The following ATP2A3 variants were observed in gnomAD, a reference collection of about 807,000 sequenced individuals.
ATP2A3 encodes ATPase sarcoplasmic/endoplasmic reticulum Ca2+ transporting 3.
ATP2A3 carries 61 observed loss-of-function variants against 106.8 expected under a neutral mutation model. That is an observed-to-expected ratio of 0.57 (90% CI 0.46 to 0.71). ATP2A3 has a LOEUF of 0.71. Ranked by LOEUF, ATP2A3 falls within the 30% of genes least tolerant of loss-of-function variation. The pLI is 0.00. For synonymous variants in ATP2A3, 611 were observed against 609.3 expected, an observed-to-expected ratio of 1.00 and a Z score of -0.04; for missense variants, 1,201 against 1,423.5, an observed-to-expected ratio of 0.84 and a Z score of 2.52.
chr17:3,944,579 G>T, intron 10 of ATP2A3, 125 bp downstream of exon 10: 1 of 943,040 alleles, frequency 1.1e-6, no homozygotes, highest in Non-Finnish European at 1.7e-6. Context: ...AGGGGTAACC[G>T]TGCTCCCTGG....
Position 3,950,614 on chromosome 17 carries a change from G to C in ATP2A3, c.545-18C>G. 6.2e-7 allele frequency: 1 copy of C among 1,614,066 alleles called. No homozygotes were observed. Among genetic ancestry groups the C allele is most frequent in the Non-Finnish European group, 8.5e-7 (1 of 1,179,950 alleles). On this transcript the variant is annotated intron_variant, in intron 6 of 20. Coordinates refer to ENST00000397041, the MANE Select transcript of ATP2A3 (RefSeq NM_005173.4). Reference sequence around the variant, plus strand: ...AGATTCACCTGGTCAGGGAATCAGAGATGAGAAGCCCCACATGAAGACACG... The same window carrying C: ...AGATTCACCTGGTCAGGGAATCAGACATGAGAAGCCCCACATGAAGACACG...
chr17:3,939,738 G>A (rs951980308), intron 14 of ATP2A3, among the ~76,000 whole-genome samples: 2 of 134,794 alleles, frequency 1.5e-5, no homozygotes, highest in African/African-American at 5.6e-5. Flanking sequence ...AGTGAGCCGA[G>A]ATCGTGCCAC....
At position 3,930,625 on chromosome 17, in the gene ATP2A3, G is replaced by C; in HGVS notation, c.2611-191C>G. 5 of 767,582 alleles carry C rather than the reference G, an allele frequency of 6.5e-6. No homozygotes were observed. The highest frequency in any genetic ancestry group is 1.1e-5 in the Non-Finnish European group (5 of 469,856). 47.5% of individuals were successfully genotyped at this position (767,582 alleles called of 1,614,324 possible). A position where few individuals can be genotyped will look rare whatever the true frequency, so the allele number is the denominator to read the frequency against. On this transcript the variant is annotated intron_variant, in intron 17 of 20. Coordinates refer to ENST00000397041, the MANE Select transcript of ATP2A3 (RefSeq NM_005173.4). This position sits in a 1 kb window ranked among gnomAD's most constrained non-coding sequence, Gnocchi z 5.4. ...GCGGCGGTGGGGAGAGCTGCACCGT[G>C]CCAGGGAGAAGCAAGGGCACAGCGT...
rs768656051 is a variant in ATP2A3 at position 3,928,831 on chromosome 17, G to A, written c.2863-51C>T. The A allele has an allele frequency of 4.9e-6, 7 of 1,427,172 alleles. No individual in the cohort carries two copies. Among genetic ancestry groups the A allele is most frequent in the East Asian group, 2.5e-5 (1 of 40,332 alleles). The allele number at this position is 1,427,172 out of a possible 1,614,324, so 88.4% of individuals were successfully genotyped here. The stretch of plus-strand genomic sequence containing the variant: ...GGTTAAAGGAAGGACTGGCTGTCCC[G>A]TGCCCCAGCCATCTGCTGGCCTTAT... On this transcript the variant is annotated intron_variant, in intron 19 of 20. Coordinates refer to ENST00000397041, the MANE Select transcript of ATP2A3 (RefSeq NM_005173.4). This position sits in a 1 kb window ranked among gnomAD's most constrained non-coding sequence, Gnocchi z 6.1.
At position 3,929,191 on chromosome 17, in the gene ATP2A3, G is replaced by A; in HGVS notation, c.2862+137C>T. 1 of 780,884 alleles carries A rather than the reference G, an allele frequency of 1.3e-6. No homozygotes were observed. Among genetic ancestry groups the A allele is most frequent in the Non-Finnish European group, 2.0e-6 (1 of 489,956 alleles). The allele number at this position is 780,884 out of a possible 1,614,324, so 48.4% of individuals were successfully genotyped here. On this transcript the variant is annotated intron_variant, in intron 19 of 20. Coordinates refer to ENST00000397041, the MANE Select transcript of ATP2A3 (RefSeq NM_005173.4). This position sits in a 1 kb window ranked among gnomAD's most constrained non-coding sequence, Gnocchi z 4.3. ...TCCTGAAGGTGGGGCCACAGCTGGA[G>A]GTGGTGGCTGGCCAGACCTCTCACC... is the stretch of plus-strand genomic sequence containing the variant.
intron 7 of ATP2A3, among the ~76,000 whole-genome samples, chr17:3,948,180 G>A (rs2054226207): frequency 6.6e-6 from 1 of 152,172 alleles, no homozygotes; most frequent in African/African-American, 2.4e-5. Flanking sequence ...CCCACAAAAT[G>A]TGATTTCGTA....
In ATP2A3 at chr17:3,928,868, C is replaced by G; in HGVS notation, c.2863-88G>C. The G allele has an allele frequency of 9.7e-7, 1 of 1,026,004 alleles. No individual in the cohort carries two copies. The highest frequency in any genetic ancestry group is 1.5e-6 in the Non-Finnish European group (1 of 682,862). The allele number at this position is 1,026,004 out of a possible 1,614,324, so 63.6% of individuals were successfully genotyped here. Reference sequence around the variant, plus strand: ...TCTGCTGGCCTTATCCACCTGGGCTCTGATGGACTCTTCATGAGCGCTCCT... The same window carrying G: ...TCTGCTGGCCTTATCCACCTGGGCTGTGATGGACTCTTCATGAGCGCTCCT... On this transcript the variant is annotated intron_variant, in intron 19 of 20. Transcript: ENST00000397041. This position sits in a 1 kb window ranked among gnomAD's most constrained non-coding sequence, Gnocchi z 6.1.
Position 3,947,931 on chromosome 17 carries a change from G to T in ATP2A3, c.631-76C>A. 1 of 1,403,828 alleles carries T rather than the reference G, an allele frequency of 7.1e-7. No homozygotes were observed. The highest frequency in any genetic ancestry group is 9.9e-7 in the Non-Finnish European group (1 of 1,013,564). 87.0% of individuals were successfully genotyped at this position (1,403,828 alleles called of 1,614,324 possible). A position where few individuals can be genotyped will look rare whatever the true frequency, so the allele number is the denominator to read the frequency against. ...CCAGGACCCCTGACTCCTTCAGGCC[G>T]GAATAAGGCACTTATCCTTCTACCC... On this transcript the variant is annotated intron_variant, in intron 7 of 20. Transcript: ENST00000397041. This position sits in a 1 kb window ranked among gnomAD's most constrained non-coding sequence, Gnocchi z 7.7.
In ATP2A3 at chr17:3,936,999, C is replaced by T. The variant is rs1343868047; in HGVS notation, c.2321+417G>A. On this transcript the variant is annotated intron_variant, in intron 15 of 20. Transcript: ENST00000397041. This position sits in a 1 kb window ranked among gnomAD's most constrained non-coding sequence, Gnocchi z 5.4. Reference sequence around the variant, plus strand: ...TGCTTGTACTCACGCTCAAAATGCACCAGAGCACACATGCAAAATATACAC... The same window carrying T: ...TGCTTGTACTCACGCTCAAAATGCATCAGAGCACACATGCAAAATATACAC... 3 of 334,220 alleles carry T rather than the reference C, an allele frequency of 9.0e-6. No homozygotes were observed. The highest frequency in any genetic ancestry group is 4.3e-5 in the African/African-American group (2 of 46,924). The allele number at this position is 334,220 out of a possible 1,614,324, so 20.7% of individuals were successfully genotyped here. A position where few individuals can be genotyped will look rare whatever the true frequency, so the allele number is the denominator to read the frequency against.
chr17:3,924,717 C>G lies in ATP2A3; in HGVS notation c.*705G>C. 2.2e-6 allele frequency: 1 copy of G among 456,060 alleles called. No individual in the cohort carries two copies. Among genetic ancestry groups the G allele is most frequent in the East Asian group, 7.0e-5 (1 of 14,356 alleles). 28.3% of individuals were successfully genotyped at this position (456,060 alleles called of 1,614,324 possible). On this transcript the variant is annotated 3_prime_UTR_variant, in exon 21 of 21. Transcript: ENST00000397041. This position sits in a 1 kb window ranked among gnomAD's most constrained non-coding sequence, Gnocchi z 6.4. Reference sequence around the variant, plus strand: ...AGGCAGTCCAGCCAGGCTTTCCCGACTTGTCTCCCGGGAAAGGACATCCTC... The same window carrying G: ...AGGCAGTCCAGCCAGGCTTTCCCGAGTTGTCTCCCGGGAAAGGACATCCTC...
intron 1 of ATP2A3, among the ~76,000 whole-genome samples, chr17:3,954,627 G>A (rs948935319): frequency 6.6e-6 from 1 of 151,902 alleles, no homozygotes; most frequent in South Asian, 2.1e-4. Context: ...CTCCTGAGTA[G>A]CTGGGATTAC....
intron 1 of ATP2A3, among the ~76,000 whole-genome samples, chr17:3,958,625 T>G (rs1301833672): frequency 6.6e-6 from 1 of 151,528 alleles, no homozygotes; most frequent in Non-Finnish European, 1.5e-5. Context: ...AATTGACAAA[T>G]CATAATTGTA....
At chr17:3,962,094 AC>A (rs1420589834) in intron 1 of ATP2A3, among the ~76,000 whole-genome samples, 1 of 152,114 alleles carries the variant, frequency 6.6e-6, no homozygotes, top group Non-Finnish European at 1.5e-5. Context: ...CCCTCTAGGG[AC>A]CCAAGAAGGC....
chr17:3,952,082 G>A (rs187546057), intron 3 of ATP2A3, among the ~76,000 whole-genome samples: 4 of 152,260 alleles, frequency 2.6e-5, no homozygotes, highest in African/African-American at 4.8e-5. Context: ...CCTGTGTGTC[G>A]GCAAGCCTAC....
chr17:3,959,284 C>G (rs1293994191), intron 1 of ATP2A3, among the ~76,000 whole-genome samples: 1 of 152,174 alleles, frequency 6.6e-6, no homozygotes, highest in Non-Finnish European at 1.5e-5. Flanking sequence ...TCCAGGAAGC[C>G]TTCTCTGAAA....
chr17:3,930,534 C>A lies in ATP2A3; in HGVS notation c.2611-100G>T. On this transcript the variant is annotated intron_variant, in intron 17 of 20. Coordinates refer to ENST00000397041, the MANE Select transcript of ATP2A3 (RefSeq NM_005173.4). The surrounding 1 kb of genome is among the most constrained non-coding windows in gnomAD (Gnocchi z 5.4). ...ATCCTGCCCTTGGCCCACGCCTGGG[C>A]ACAACCAGCACACAAAACACTGCCG... 1 of 1,464,260 alleles carries A rather than the reference C, an allele frequency of 6.8e-7. No homozygotes were observed. The allele number at this position is 1,464,260 out of a possible 1,614,324, so 90.7% of individuals were successfully genotyped here.
At chr17:3,932,186 G>A (rs143137231) in intron 17 of ATP2A3, among the ~76,000 whole-genome samples, 6 of 151,762 alleles carry the variant, frequency 4.0e-5, no homozygotes, top group Admixed American at 1.3e-4. Flanking sequence ...CTCTGTCACC[G>A]AGGCTGGAGT....
chr17:3,936,693 C>T lies in ATP2A3; in HGVS notation c.2322-224G>A. 1 of 577,140 alleles carries T rather than the reference C, an allele frequency of 1.7e-6. No homozygotes were observed. The highest frequency in any genetic ancestry group is 2.6e-5 in the Admixed American group (1 of 37,778). The allele number at this position is 577,140 out of a possible 1,614,324, so 35.8% of individuals were successfully genotyped here. A position where few individuals can be genotyped will look rare whatever the true frequency, so the allele number is the denominator to read the frequency against. On this transcript the variant is annotated intron_variant, in intron 15 of 20. Transcript: ENST00000397041. The surrounding 1 kb of genome is among the most constrained non-coding windows in gnomAD (Gnocchi z 5.4). The stretch of plus-strand genomic sequence containing the variant: ...TCCCAGCTCTGGATCCTGGACATAC[C>T]TGCTCTTTAGGCCTAGCAGAGGCCA...
Position 3,936,172 on chromosome 17 carries a change from A to G in ATP2A3, c.2524+95T>C, listed in dbSNP as rs574796452. 2.1e-4 allele frequency: 311 copies of G among 1,497,792 alleles called. 1 individual carries two copies. The South Asian group carries it at 3.3e-3, about 16-fold the overall frequency. The allele number at this position is 1,497,792 out of a possible 1,614,324, so 92.8% of individuals were successfully genotyped here. A position where few individuals can be genotyped will look rare whatever the true frequency, so the allele number is the denominator to read the frequency against. ...GAGCTCATACAGTTTCTACTGGCAC[A>G]AGCCAGGCTGAGTCACACTGTCTGC... On this transcript the variant is annotated intron_variant, in intron 16 of 20. Coordinates refer to ENST00000397041, the MANE Select transcript of ATP2A3 (RefSeq NM_005173.4). This position sits in a 1 kb window ranked among gnomAD's most constrained non-coding sequence, Gnocchi z 5.4.
Sources: allele counts gnomAD v4.1 joint callset (sites outside exome capture counted in the v4.1 genomes callset), GRCh38; gene constraint gnomAD v4.1.1; non-coding constraint Gnocchi (gnomAD v3.1); transcripts MANE v1.5; gene names NCBI Gene and HGNC (gene_info 2026-07-23, HGNC 2026-07-21).